Variants in VOPP1 observed in about 807,000 individuals in gnomAD.
The protein encoded by VOPP1 is WW domain binding protein VOPP1.
VOPP1 carries 8 observed loss-of-function variants against 23.5 expected under a neutral mutation model. The observed-to-expected ratio is 0.34, with a 90% CI of 0.20 to 0.61. VOPP1 has a LOEUF of 0.61. VOPP1 is among the 20% of genes least tolerant of loss of function. The pLI is 0.78. For synonymous variants in VOPP1, 83 were observed against 97.3 expected (o/e 0.85, Z 0.86); for missense variants, 174 against 238.1 (o/e 0.73, Z 1.77).
In VOPP1 at chr7:55,471,272, T is replaced by C. The variant is rs1791801130; in HGVS notation, c.*1583A>G. ...ACACCAGGGTGGTCAGAGACACTGGTGGCAGCATCTGTGCTTGCAACTGCA... is the reference window on the plus strand; with the variant it reads ...ACACCAGGGTGGTCAGAGACACTGGCGGCAGCATCTGTGCTTGCAACTGCA... On this transcript the variant is annotated 3_prime_UTR_variant, in exon 5 of 5. Coordinates refer to ENST00000285279, the MANE Select transcript of VOPP1 (RefSeq NM_030796.5). The C allele has an allele frequency of 6.8e-6, 1 of 146,460 alleles. No homozygotes were observed. Among genetic ancestry groups the C allele is most frequent in the Non-Finnish European group, 1.5e-5 (1 of 66,746 alleles). 9.1% of individuals were successfully genotyped at this position (146,460 alleles called of 1,614,324 possible).
chr7:55,491,436 C>T (rs1272486069), intron 4 of VOPP1, among the ~76,000 whole-genome samples: 1 of 152,196 alleles, frequency 6.6e-6, no homozygotes, highest in Non-Finnish European at 1.5e-5. Context: ...CCCCAGGCTC[C>T]CAGGTGGAAA....
In VOPP1 at chr7:55,472,122, T is replaced by G. The variant is rs913156330; in HGVS notation, c.*733A>C. The G allele has an allele frequency of 1.4e-4, 22 of 151,878 alleles. No homozygotes were observed. The highest frequency in any genetic ancestry group is 5.3e-4 in the African/African-American group (22 of 41,316). The allele number at this position is 151,878 out of a possible 1,614,324, so 9.4% of individuals were successfully genotyped here. A position where few individuals can be genotyped will look rare whatever the true frequency, so the allele number is the denominator to read the frequency against. On this transcript the variant is annotated 3_prime_UTR_variant, in exon 5 of 5. Coordinates refer to ENST00000285279, the MANE Select transcript of VOPP1 (RefSeq NM_030796.5). ...CAGACCAAGAGCTCACAAAATGCAA[T>G]GTCTCAGTTTGGGGCAGGAAGTGAT...
intron 4 of VOPP1, among the ~76,000 whole-genome samples, chr7:55,441,308 T>G (rs148427672): frequency 6.6e-6 from 1 of 152,192 alleles, no homozygotes; most frequent in Admixed American, 6.5e-5. Flanking sequence ...GCCTTGCCCC[T>G]CTCTCCGATT....
At chr7:55,508,523 CA>C (rs1270605326) in intron 2 of VOPP1, among the ~76,000 whole-genome samples, 1 of 152,126 alleles carries the variant, frequency 6.6e-6, no homozygotes, top group Non-Finnish European at 1.5e-5. Context: ...TGCCTTAGCC[CA>C]AAAGTGTTGG....
intron 4 of VOPP1, 107 bp from the exon 5 acceptor site, chr7:55,473,152 G>A (rs1011823215): frequency 5.4e-6 from 8 of 1,475,826 alleles, no homozygotes; most frequent in South Asian, 4.3e-5. Context: ...TTCACTCAGC[G>A]ACAGTGTATG....
chr7:55,515,224 C>T (rs1343546210), intron 2 of VOPP1, among the ~76,000 whole-genome samples: 3 of 152,204 alleles, frequency 2.0e-5, no homozygotes, highest in Non-Finnish European at 4.4e-5. Context: ...CTTATAGTCA[C>T]TGCTCCTGAC....
rs138933748 is a variant in VOPP1 at position 55,451,056 on chromosome 7, G to A, written n.418-14882C>T. 1.1e-3 allele frequency among the ~76,000 whole-genome samples: 162 copies of A among 152,262 alleles called. 1 individual carries two copies. The highest frequency in any genetic ancestry group is 3.8e-3 in the African/African-American group (156 of 41,534). On this transcript the variant is annotated intron_variant and non_coding_transcript_variant, in intron 4 of 4. Transcript: ENST00000462326. ...TGGATCTTCAGGGCTGGCATCAGAG[G>A]GAGATCTCCTAGGGAGGAGATTCAA...
In VOPP1 at chr7:55,483,172, G is replaced by A. The variant is rs950388952; in HGVS notation, c.328+9110C>T. On this transcript the variant is annotated intron_variant, in intron 4 of 4. Coordinates refer to ENST00000285279, the MANE Select transcript of VOPP1 (RefSeq NM_030796.5). ...CTTGTGTCTTCATCAAACCTGTAGC[G>A]CTTCTCAGTGCAGGGGGCATCCTGC... Among the ~76,000 whole-genome samples, 16 of 152,026 alleles carry A rather than the reference G, an allele frequency of 1.1e-4. No individual in the cohort carries two copies. The East Asian group carries it at 1.7e-3, about 17-fold the overall frequency.
intron 2 of VOPP1, among the ~76,000 whole-genome samples, chr7:55,510,198 T>C (rs1794984185): frequency 6.6e-6 from 1 of 152,256 alleles, no homozygotes. Flanking sequence ...TGTCTACCTG[T>C]AAGTGTGCAT....
intron 2 of VOPP1, among the ~76,000 whole-genome samples, chr7:55,503,558 T>C (rs2129029555): frequency 6.6e-6 from 1 of 152,356 alleles, no homozygotes; most frequent in Non-Finnish European, 1.5e-5. Context: ...TTCCATGTGT[T>C]GTTGCTATGG....
chr7:55,487,353 T>A (rs559986210), intron 4 of VOPP1, among the ~76,000 whole-genome samples: 2 of 152,350 alleles, frequency 1.3e-5, no homozygotes, highest in Admixed American at 1.3e-4. Flanking sequence ...AAGGAAATCA[T>A]TTTTAAAGAA....
chr7:55,459,123 T>C (rs1158251295), intron 4 of VOPP1, among the ~76,000 whole-genome samples: 1 of 152,178 alleles, frequency 6.6e-6, no homozygotes, highest in Non-Finnish European at 1.5e-5. Context: ...ATTTTCTGCA[T>C]CTATTGAGAT....
rs1301760734 is a variant in VOPP1 at position 55,497,673 on chromosome 7, T to C, written c.131A>G (p.Asp44Gly). The change falls in exon 3 of 5, where the codon GAC becomes GGC. Residue 44 changes from aspartate to glycine, a missense_variant. Asp to Gly is a moderately conservative substitution (Grantham distance 94). Transcript: ENST00000285279. ...CACACAGCACCTGGAGCCACAGCAG[T>C]CCTCGTAGGAGCGGCATCTGTGGAG... ...PTYYICRSYE[D>G]CCGSRCCVRA... The C allele has an allele frequency of 6.2e-7, 1 of 1,613,394 alleles. No homozygotes were observed.
intron 1 of VOPP1, among the ~76,000 whole-genome samples, chr7:55,548,744 G>A (rs1375816762): frequency 6.6e-6 from 1 of 152,166 alleles, no homozygotes; most frequent in Non-Finnish European, 1.5e-5. Flanking sequence ...TCTTGGCCCA[G>A]GACTACATTC....
At chr7:55,529,697 C>T (rs1328576137) in intron 1 of VOPP1, among the ~76,000 whole-genome samples, 7 of 152,148 alleles carry the variant, frequency 4.6e-5, no homozygotes, top group Non-Finnish European at 8.8e-5. Flanking sequence ...AGAACCTTTC[C>T]TTCACTTCAG....
At chr7:55,464,630 A>G (rs1343364002) in intron 4 of VOPP1, among the ~76,000 whole-genome samples, 1 of 152,190 alleles carries the variant, frequency 6.6e-6, no homozygotes, top group African/African-American at 2.4e-5. Flanking sequence ...TATGAGTCAG[A>G]GTCCTGGGAA....
At chr7:55,477,913 G>C (rs967134648) in intron 4 of VOPP1, among the ~76,000 whole-genome samples, 4 of 152,230 alleles carry the variant, frequency 2.6e-5, no homozygotes, top group Admixed American at 2.6e-4. Flanking sequence ...ACCCCGGCCA[G>C]GTGGAGGCAG....
chr7:55,529,030 G>A (rs1451712140), intron 1 of VOPP1, among the ~76,000 whole-genome samples: 2 of 152,182 alleles, frequency 1.3e-5, no homozygotes, highest in Non-Finnish European at 2.9e-5. Context: ...TCTCCCTACT[G>A]AAGCCTTCAA....
At chr7:55,463,556 CTG>C (rs1791560036) in intron 4 of VOPP1, among the ~76,000 whole-genome samples, 1 of 152,182 alleles carries the variant, frequency 6.6e-6, no homozygotes, top group Non-Finnish European at 1.5e-5. Flanking sequence ...TCAGTGGTAT[CTG>C]TGAGTTCCTC....
Sources: gnomAD v4.1 joint callset for allele counts (sites outside exome capture counted in the v4.1 genomes callset) on GRCh38, gnomAD v4.1.1 for gene constraint, MANE v1.5 for transcripts, NCBI Gene and HGNC (gene_info 2026-07-23, HGNC 2026-07-21) for gene names.